PRKCB: variants seen among roughly 807,000 people sequenced by gnomAD.
PRKCB encodes protein kinase C beta type.
A neutral mutation model predicts 81.5 loss-of-function variants in PRKCB; 13 were observed. That is an observed-to-expected ratio of 0.16 (90% CI 0.10 to 0.25). PRKCB has a LOEUF of 0.25. Among genes scored for constraint, PRKCB ranks in the 10% least tolerant of loss-of-function variants. The pLI, the probability that PRKCB is intolerant of heterozygous loss-of-function variation, is 1.00. For missense variants in PRKCB, 509 were observed against 875.7 expected (o/e 0.58, Z 5.29); for synonymous variants, 335 against 321.4 (o/e 1.04, Z -0.45).
chr16:24,081,037 G>A (rs888660319), intron 5 of PRKCB, among the ~76,000 whole-genome samples: 10 of 152,052 alleles, frequency 6.6e-5, no homozygotes, highest in South Asian at 2.1e-4. Flanking sequence ...CTTCCAGTTC[G>A]TCATTTGTGT....
At chr16:23,910,226 T>A (rs748664292) in intron 2 of PRKCB, among the ~76,000 whole-genome samples, 2 of 152,060 alleles carry the variant, frequency 1.3e-5, no homozygotes, top group African/African-American at 4.8e-5. Context: ...CGTCACTTGA[T>A]GGAAAGAGTC....
chr16:24,105,847 G>T (rs1446736440), intron 7 of PRKCB, among the ~76,000 whole-genome samples: 1 of 152,140 alleles, frequency 6.6e-6, no homozygotes, highest in Non-Finnish European at 1.5e-5. Context: ...ACATGTGCAT[G>T]TGTCTTTATA....
intron 5 of PRKCB, among the ~76,000 whole-genome samples, chr16:24,054,246 G>C (rs1965878522): frequency 6.6e-6 from 1 of 152,194 alleles, no homozygotes. Flanking sequence ...CAAAGTGCTG[G>C]GATTACAGGT....
chr16:24,104,095 A>G (rs1966546527), intron 7 of PRKCB, among the ~76,000 whole-genome samples: 1 of 152,136 alleles, frequency 6.6e-6, no homozygotes, highest in Non-Finnish European at 1.5e-5. Flanking sequence ...GTGAGACACC[A>G]CGCCCAGCTA....
intron 5 of PRKCB, among the ~76,000 whole-genome samples, chr16:24,088,111 C>T (rs1037368069): frequency 3.9e-5 from 6 of 152,158 alleles, no homozygotes; most frequent in Admixed American, 2.0e-4. Context: ...TTTGCTTCCG[C>T]GATACATATG....
intron 15 of PRKCB, among the ~76,000 whole-genome samples, chr16:24,186,948 A>C (rs1967712373): frequency 6.6e-6 from 1 of 152,206 alleles, no homozygotes; most frequent in Non-Finnish European, 1.5e-5. Context: ...AGGGAGAAAG[A>C]AAGTGAAGAA....
At chr16:23,963,147 A>G (rs1964447641) in intron 2 of PRKCB, 1 of 152,162 alleles carries the variant, frequency 6.6e-6, no homozygotes, top group African/African-American at 2.4e-5. Flanking sequence ...CTAGAGATAA[A>G]CCAGGTTTTG....
At chr16:23,932,443 G>T (rs982743718) in intron 2 of PRKCB, among the ~76,000 whole-genome samples, 12 of 152,102 alleles carry the variant, frequency 7.9e-5, no homozygotes, top group Non-Finnish European at 1.6e-4. Context: ...TGGCAAAAAG[G>T]CCCCAAGGTG....
intron 2 of PRKCB, among the ~76,000 whole-genome samples, chr16:23,884,677 G>T (rs529382748): frequency 1.3e-5 from 2 of 152,192 alleles, no homozygotes; most frequent in African/African-American, 4.8e-5. Context: ...TGGGACTACA[G>T]GAACACACCA....
chr16:23,929,404 C>T (rs1194847406), intron 2 of PRKCB, among the ~76,000 whole-genome samples: 3 of 152,038 alleles, frequency 2.0e-5, no homozygotes, highest in African/African-American at 7.2e-5. Flanking sequence ...TCTGCCATTT[C>T]CTTGCTGTGT....
At chr16:24,116,634 G>T (rs2141922453) in intron 8 of PRKCB, among the ~76,000 whole-genome samples, 1 of 152,232 alleles carries the variant, frequency 6.6e-6, no homozygotes, top group Admixed American at 6.5e-5. Context: ...AAGCCCAAGT[G>T]AACTGAAAAA....
intron 2 of PRKCB, among the ~76,000 whole-genome samples, chr16:23,918,439 C>G (rs912926918): frequency 4.0e-5 from 6 of 151,832 alleles, no homozygotes; most frequent in African/African-American, 1.5e-4. Context: ...CTCTGTCACC[C>G]AAGTTGGAGT....
intron 2 of PRKCB, among the ~76,000 whole-genome samples, chr16:23,959,309 A>T (rs1193220974): frequency 6.6e-6 from 1 of 152,154 alleles, no homozygotes; most frequent in African/African-American, 2.4e-5. Flanking sequence ...TAGAGTCAAC[A>T]CTGGCCAATC....
chr16:23,966,735 G>A (rs1363251379), intron 2 of PRKCB, among the ~76,000 whole-genome samples: 1 of 152,168 alleles, frequency 6.6e-6, no homozygotes, highest in Non-Finnish European at 1.5e-5. Context: ...ATGCAAGGCT[G>A]TCTGAAAGGG....
chr16:23,954,212 G>T (rs553459266), intron 2 of PRKCB, among the ~76,000 whole-genome samples: 7 of 152,098 alleles, frequency 4.6e-5, no homozygotes, highest in South Asian at 2.1e-4. Flanking sequence ...GCCTCTCAAA[G>T]TGCTGGGATT....
intron 2 of PRKCB, among the ~76,000 whole-genome samples, chr16:23,865,257 T>C (rs1962750377): frequency 1.0e-5 from 1 of 98,096 alleles, no homozygotes; most frequent in Admixed American, 1.4e-4. Context: ...ATTTATTTTC[T>C]GTTTTGTTTG....
intron 10 of PRKCB, among the ~76,000 whole-genome samples, chr16:24,160,272 T>C (rs73550957): frequency 0.031 from 4,659 of 151,718 alleles, 251 homozygotes; most frequent in African/African-American, 0.11. Flanking sequence ...GATAAGATTT[T>C]ATCCATGGGA....
intron 2 of PRKCB, among the ~76,000 whole-genome samples, chr16:23,980,348 G>T (rs775382039): frequency 2.6e-5 from 4 of 152,194 alleles, no homozygotes; most frequent in Non-Finnish European, 4.4e-5. Context: ...TAAGTCTGTG[G>T]GTCAGCTTTG....
intron 8 of PRKCB, among the ~76,000 whole-genome samples, chr16:24,118,760 A>G (rs1966763962): frequency 6.6e-6 from 1 of 152,220 alleles, no homozygotes; most frequent in South Asian, 2.1e-4. Flanking sequence ...CTGAAAGCAC[A>G]TCCCACACAG....
Sources: gnomAD v4.1 joint callset for allele counts (sites outside exome capture counted in the v4.1 genomes callset) on GRCh38, gnomAD v4.1.1 for gene constraint, MANE v1.5 for transcripts, NCBI Gene and HGNC (gene_info 2026-07-23, HGNC 2026-07-21) for gene names.